Variants in ADGRB3 observed in about 807,000 individuals in gnomAD.
ADGRB3 encodes the protein adhesion G protein-coupled receptor B3.
A neutral mutation model predicts 193.4 loss-of-function variants in ADGRB3; 37 were observed. The ratio of observed to expected loss-of-function variants is 0.19; its 90% CI spans 0.15 to 0.25. The LOEUF is 0.25. Ranked by LOEUF, ADGRB3 falls within the 10% of genes least tolerant of loss-of-function variation. The pLI is 1.00. For synonymous variants in ADGRB3, 690 were observed against 644.2 expected (o/e 1.07, Z -1.08); for missense variants, 1,637 against 1,852.9 (o/e 0.88, Z 2.14).
At chr6:69,110,808 A>T (rs1403281803) in intron 17 of ADGRB3, among the ~76,000 whole-genome samples, 6 of 152,150 alleles carry the variant, frequency 3.9e-5, no homozygotes, top group Non-Finnish European at 7.4e-5. Context: ...CTTAAGGTTG[A>T]TATTTGTTAT....
At chr6:68,741,453 A>G (rs538484281) in intron 3 of ADGRB3, among the ~76,000 whole-genome samples, 1 of 152,114 alleles carries the variant, frequency 6.6e-6, no homozygotes, top group South Asian at 2.1e-4. Flanking sequence ...TCATGCCATC[A>G]TGGCTCAACT....
chr6:69,303,292 G>A (rs567778506), intron 20 of ADGRB3, among the ~76,000 whole-genome samples: 10 of 151,824 alleles, frequency 6.6e-5, no homozygotes, highest in East Asian at 1.9e-4. Flanking sequence ...ATAAAAAAGC[G>A]AAAAAAATCA....
At chr6:68,905,715 C>G (rs749713056) in intron 3 of ADGRB3, among the ~76,000 whole-genome samples, 2 of 152,162 alleles carry the variant, frequency 1.3e-5, no homozygotes, top group Admixed American at 1.3e-4. Context: ...CACAGCAGTT[C>G]GTTGATTGTC....
intron 12 of ADGRB3, among the ~76,000 whole-genome samples, chr6:69,016,162 CA>C (rs1199700491): frequency 3.9e-5 from 6 of 152,020 alleles, no homozygotes; most frequent in East Asian, 3.9e-4. Context: ...TCATGTCCTG[CA>C]AAGCCTAAAA....
chr6:69,021,987 TACAA>T (rs74272148), intron 13 of ADGRB3, among the ~76,000 whole-genome samples: 4,192 of 151,944 alleles, frequency 0.028, 80 homozygotes, highest in Non-Finnish European at 0.042. Context: ...AAAAACAGTC[TACAA>T]ACAAAGATTT....
chr6:68,848,173 T>C (rs748500582), intron 3 of ADGRB3, among the ~76,000 whole-genome samples: 13 of 152,094 alleles, frequency 8.5e-5, no homozygotes, highest in Non-Finnish European at 1.5e-4. Context: ...AAATTGTGAC[T>C]ATTAAAAAGT....
intron 17 of ADGRB3, among the ~76,000 whole-genome samples, chr6:69,179,753 G>A (rs1775531212): frequency 1.3e-5 from 2 of 152,100 alleles, no homozygotes; most frequent in African/African-American, 4.8e-5. Context: ...GGCTTCTGTA[G>A]CCCTATGTAC....
chr6:68,941,576 G>GA (rs1026429904), intron 5 of ADGRB3, among the ~76,000 whole-genome samples: 1,889 of 145,562 alleles, frequency 0.013, 16 homozygotes, highest in Middle Eastern at 0.021. Flanking sequence ...TGATTTGACA[G>GA]AAAAAAAAAA....
chr6:68,857,933 G>A (rs1396587043), intron 3 of ADGRB3, among the ~76,000 whole-genome samples: 2 of 152,094 alleles, frequency 1.3e-5, no homozygotes, highest in Admixed American at 6.5e-5. Context: ...TACTTAATGG[G>A]TCTCATGAGA....
At chr6:68,824,080 G>C (rs537635987) in intron 3 of ADGRB3, among the ~76,000 whole-genome samples, 1 of 152,236 alleles carries the variant, frequency 6.6e-6, no homozygotes, top group Admixed American at 6.5e-5. Flanking sequence ...TCCTGAATCT[G>C]AGGCATGTCC....
chr6:69,322,540 C>G (rs1193025390), intron 20 of ADGRB3, among the ~76,000 whole-genome samples: 1 of 151,852 alleles, frequency 6.6e-6, no homozygotes. Flanking sequence ...TTACTAATAG[C>G]CATTCTGACT....
chr6:68,955,891 G>A, intron 6 of ADGRB3, 133 bp from the exon 7 acceptor site: 1 of 766,258 alleles, frequency 1.3e-6, no homozygotes, highest in Non-Finnish European at 2.0e-6. Flanking sequence ...TCATGCTGGT[G>A]TGACCTTCCA....
At chr6:69,185,016 A>T (rs1243565283) in intron 17 of ADGRB3, among the ~76,000 whole-genome samples, 4 of 152,166 alleles carry the variant, frequency 2.6e-5, no homozygotes, top group Non-Finnish European at 5.9e-5. Flanking sequence ...AATTAGACTT[A>T]TCAAAGAGTT....
chr6:68,811,880 C>T (rs1334925484), intron 3 of ADGRB3, among the ~76,000 whole-genome samples: 1 of 152,118 alleles, frequency 6.6e-6, no homozygotes, highest in African/African-American at 2.4e-5. Flanking sequence ...TACATATACA[C>T]TTATATACAC....
At chr6:68,918,833 A>C (rs926734134) in intron 3 of ADGRB3, among the ~76,000 whole-genome samples, 2 of 152,148 alleles carry the variant, frequency 1.3e-5, no homozygotes, top group Non-Finnish European at 2.9e-5. Context: ...AGTATCTCTA[A>C]TGCAGGTTAA....
intron 20 of ADGRB3, among the ~76,000 whole-genome samples, chr6:69,276,013 C>T (rs1456047873): frequency 6.6e-6 from 1 of 152,200 alleles, no homozygotes; most frequent in Non-Finnish European, 1.5e-5. Flanking sequence ...TAAACATTTA[C>T]TAAGTTCTTT....
At chr6:68,905,263 G>C (rs759191231) in intron 3 of ADGRB3, among the ~76,000 whole-genome samples, 1 of 152,108 alleles carries the variant, frequency 6.6e-6, no homozygotes, top group Non-Finnish European at 1.5e-5. Flanking sequence ...ACACATATAA[G>C]GTCACCTAAT....
chr6:69,297,658 G>A lies in ADGRB3; in HGVS notation c.2815-27214G>A, dbSNP rs1885331. ...ATAAATCATACAATGTGAAATGAACGCAGAAAGAAGGGTGAATATGTTGGT... is the reference window on the plus strand; with the variant it reads ...ATAAATCATACAATGTGAAATGAACACAGAAAGAAGGGTGAATATGTTGGT... On this transcript the variant is annotated intron_variant, in intron 20 of 31. Coordinates refer to ENST00000370598, the MANE Select transcript of ADGRB3 (RefSeq NM_001704.3). Among the ~76,000 whole-genome samples the A allele has an allele frequency of 2.0e-5, 3 of 151,636 alleles. No individual in the cohort carries two copies. In the East Asian group the frequency reaches 5.8e-4, roughly 29 times the overall value.
chr6:68,692,821 A>T (rs1222863740), intron 3 of ADGRB3, among the ~76,000 whole-genome samples: 2 of 151,340 alleles, frequency 1.3e-5, no homozygotes, highest in African/African-American at 4.8e-5. Flanking sequence ...TCAAATGGAC[A>T]TATAGAGAGG....
Sources: allele counts gnomAD v4.1 joint callset (sites outside exome capture counted in the v4.1 genomes callset), GRCh38; gene constraint gnomAD v4.1.1; transcripts MANE v1.5; gene names NCBI Gene and HGNC (gene_info 2026-07-23, HGNC 2026-07-21).